The following PAM variants were observed in gnomAD, a reference collection of about 807,000 sequenced individuals.
The protein encoded by PAM is peptidyl-glycine alpha-amidating monooxygenase.
In PAM, 72 loss-of-function variants were observed where a neutral mutation model predicts 122.1. The ratio of observed to expected loss-of-function variants is 0.59; its 90% CI spans 0.49 to 0.72. The LOEUF (loss-of-function observed/expected upper bound fraction) is 0.72, where lower values mean the gene tolerates loss of function less well. Ranked by LOEUF, PAM falls within the 30% of genes least tolerant of loss-of-function variation. The probability of loss-of-function intolerance (pLI) is 0.00; values close to 1 mark genes in which losing one functional copy is unlikely to be tolerated. For missense variants in PAM, 1,106 were observed against 1,183.7 expected, an observed-to-expected ratio of 0.93 and a Z score of 0.96; for synonymous variants, 389 against 404.4, an observed-to-expected ratio of 0.96 and a Z score of 0.46.
intron 1 of PAM, among the ~76,000 whole-genome samples, chr5:102,804,040 G>T (rs1765583995): frequency 6.6e-6 from 1 of 152,240 alleles, no homozygotes; most frequent in East Asian, 1.9e-4. Flanking sequence ...GGTTGCAGGG[G>T]GGGATGGGGA....
intron 22 of PAM, among the ~76,000 whole-genome samples, chr5:103,018,736 T>C (rs143023729): frequency 1.3e-5 from 2 of 152,312 alleles, no homozygotes; most frequent in African/African-American, 4.8e-5. Flanking sequence ...AATATCTTAA[T>C]TTTATGGATA....
At chr5:102,822,260 G>T (rs1035709241) in intron 1 of PAM, among the ~76,000 whole-genome samples, 5 of 151,996 alleles carry the variant, frequency 3.3e-5, no homozygotes, top group Non-Finnish European at 5.9e-5. Context: ...GTATTCATTT[G>T]CTCATTCATC....
At chr5:103,018,069 G>A (rs999580157) in intron 22 of PAM, among the ~76,000 whole-genome samples, 1 of 152,062 alleles carries the variant, frequency 6.6e-6, no homozygotes, top group Non-Finnish European at 1.5e-5. Context: ...CCCCTAATAT[G>A]CTAAAACAAA....
chr5:102,860,450 A>G (rs1348649784), intron 1 of PAM, among the ~76,000 whole-genome samples: 1 of 152,170 alleles, frequency 6.6e-6, no homozygotes, highest in Non-Finnish European at 1.5e-5. Flanking sequence ...TGGAAGGGCG[A>G]GGTGGGGGAA....
In PAM at chr5:102,882,052, AATATATATATATAT is replaced by A. The variant is rs61367764; in HGVS notation, c.210+14705_210+14718del. ...GTGGCTGAGTAGTATTCCATCGTGG[AATATATATATATAT>A]ATATATATATATATATATATATATA... is the stretch of plus-strand genomic sequence containing the variant. On this transcript the variant is annotated intron_variant, in intron 3 of 25. Coordinates refer to ENST00000438793, the MANE Select transcript of PAM (RefSeq NM_001177306.2). 8.3e-3 allele frequency among the ~76,000 whole-genome samples: 513 copies of A among 61,912 alleles called. 11 individuals carry two copies. The highest frequency in any genetic ancestry group is 0.016 in the Middle Eastern group (2 of 128). The allele number at this position is 61,912 out of a possible 152,430, so 40.6% of individuals were successfully genotyped here.
intron 1 of PAM, among the ~76,000 whole-genome samples, chr5:102,798,476 A>G (rs1763908051): frequency 6.6e-6 from 1 of 152,222 alleles, no homozygotes; most frequent in Non-Finnish European, 1.5e-5. Context: ...TTAAACTTGT[A>G]TAGTAGATGT....
chr5:102,914,890 A>C (rs1314471238), intron 5 of PAM, among the ~76,000 whole-genome samples: 1 of 152,108 alleles, frequency 6.6e-6, no homozygotes, highest in Non-Finnish European at 1.5e-5. Context: ...GGTGAGTCTT[A>C]ATATCATGCC....
At position 103,028,172 on chromosome 5, in the gene PAM, CT is replaced by C. The variant is rs760316365; in HGVS notation, c.2690-6del. 23 of 1,606,090 alleles carry C rather than the reference CT, an allele frequency of 1.4e-5. 1 individual carries two copies. The South Asian group carries it at 2.1e-4, about 15-fold the overall frequency. On this transcript the variant is annotated splice_polypyrimidine_tract_variant and intron_variant, in intron 24 of 25. Coordinates refer to ENST00000438793, the MANE Select transcript of PAM (RefSeq NM_001177306.2). Reference sequence around the variant, plus strand: ...TGGGACTCATTTTGAAATGTGCCATCTTTTTTTAGCAGATTCTGAACACAAA... The same window carrying C: ...TGGGACTCATTTTGAAATGTGCCATCTTTTTTAGCAGATTCTGAACACAAA...
chr5:103,003,082 G>A lies in PAM; in HGVS notation c.1663G>A (p.Glu555Lys). 6.8e-6 allele frequency: 11 copies of A among 1,609,460 alleles called. No individual in the cohort carries two copies. The highest frequency in any genetic ancestry group is 9.4e-6 in the Non-Finnish European group (11 of 1,175,950). ...VYQQIGLGPIEEDTILVIDPN... is the reference protein window; with the variant it reads ...VYQQIGLGPIKEDTILVIDPN... ...CCAGCAAATAGGACTCGGACCAATTGAAGAAGACACTATTCTTGTCATAGA... is the reference window on the plus strand; with the variant it reads ...CCAGCAAATAGGACTCGGACCAATTAAAGAAGACACTATTCTTGTCATAGA... Residue 555 changes from glutamate (E) to lysine (K), a missense_variant, in exon 17 of 26, where the codon GAA (glutamate) becomes AAA (lysine). Around this residue, in one of 3 missense-constraint regions of PAM, gnomAD observed 670 missense variants for 690.3 expected, o/e 0.97. Transcript: ENST00000438793.
chr5:102,762,173 G>T (rs907227887), intron 1 of PAM, among the ~76,000 whole-genome samples: 2 of 152,124 alleles, frequency 1.3e-5, no homozygotes, highest in Non-Finnish European at 2.9e-5. Flanking sequence ...GCTGAATCTG[G>T]TAAAGTCACT....
At chr5:102,878,951 C>T (rs550988862) in intron 3 of PAM, among the ~76,000 whole-genome samples, 6 of 151,118 alleles carry the variant, frequency 4.0e-5, no homozygotes, top group East Asian at 1.9e-4. Context: ...GTTTTTGAGA[C>T]GGAGTCTCGC....
chr5:102,986,794 A>G (rs1771974393), intron 15 of PAM, among the ~76,000 whole-genome samples: 2 of 152,114 alleles, frequency 1.3e-5, no homozygotes, highest in Admixed American at 1.3e-4. Flanking sequence ...GTGGTAGTGA[A>G]TAAGTCTCAC....
chr5:102,911,098 C>T (rs553359608), intron 4 of PAM, among the ~76,000 whole-genome samples: 4 of 152,076 alleles, frequency 2.6e-5, no homozygotes, highest in Admixed American at 2.0e-4. Flanking sequence ...TTTAAGGCAT[C>T]TACTGTTTGT....
intron 3 of PAM, among the ~76,000 whole-genome samples, chr5:102,895,073 C>T (rs2151318458): frequency 6.6e-6 from 1 of 151,860 alleles, no homozygotes; most frequent in East Asian, 1.9e-4. Flanking sequence ...ACTACAGGCC[C>T]TGCATTGTGT....
chr5:102,801,015 T>G (rs1436489446), intron 1 of PAM, among the ~76,000 whole-genome samples: 1 of 152,204 alleles, frequency 6.6e-6, no homozygotes, highest in Non-Finnish European at 1.5e-5. Context: ...TTTTATATAC[T>G]TGCTGTTTTC....
intron 21 of PAM, among the ~76,000 whole-genome samples, chr5:103,015,263 T>G (rs1781651888): frequency 1.3e-5 from 2 of 152,214 alleles, no homozygotes; most frequent in Non-Finnish European, 2.9e-5. Context: ...TTACTTAATA[T>G]TAAGTACATT....
chr5:102,812,493 C>A (rs1054862237), intron 1 of PAM, among the ~76,000 whole-genome samples: 4 of 151,980 alleles, frequency 2.6e-5, no homozygotes, highest in African/African-American at 9.7e-5. Flanking sequence ...GGAAAGAAAA[C>A]CAACTGTTTT....
chr5:102,825,821 C>A (rs1376515090), intron 1 of PAM, among the ~76,000 whole-genome samples: 1 of 152,082 alleles, frequency 6.6e-6, no homozygotes, highest in Non-Finnish European at 1.5e-5. Context: ...GCACTCCAGC[C>A]TGGGCAACAG....
intron 21 of PAM, among the ~76,000 whole-genome samples, chr5:103,013,670 G>T (rs977540485): frequency 6.6e-6 from 1 of 151,996 alleles, no homozygotes; most frequent in Non-Finnish European, 1.5e-5. Context: ...CAGCTAGTCT[G>T]GTGTTTATCA....
Sources: gnomAD v4.1 joint callset for allele counts (sites outside exome capture counted in the v4.1 genomes callset) on GRCh38, gnomAD v4.1.1 for gene constraint, gnomAD v4.1.1 regional missense constraint, MANE v1.5 for transcripts, NCBI Gene and HGNC (gene_info 2026-07-23, HGNC 2026-07-21) for gene names.